Variants in ATP2C1 observed in about 807,000 individuals in gnomAD.
ATP2C1 encodes calcium-transporting ATPase type 2C member 1.
Under a neutral mutation model 120.5 loss-of-function variants are expected in ATP2C1, and 31 were observed. The ratio of observed to expected loss-of-function variants is 0.26; its 90% CI spans 0.19 to 0.35. The LOEUF is 0.35. ATP2C1 is among the 10% of genes least tolerant of loss of function. The pLI is 1.00. For synonymous variants in ATP2C1, 351 were observed against 358.7 expected (o/e 0.98, Z 0.24); for missense variants, 731 against 1,107.5 (o/e 0.66, Z 4.83).
intron 1 of ATP2C1, among the ~76,000 whole-genome samples, chr3:130,869,901 A>G (rs2068374925): frequency 6.6e-6 from 1 of 152,226 alleles, no homozygotes; most frequent in Non-Finnish European, 1.5e-5. Flanking sequence ...AGACCTAGCT[A>G]AGATCATTGA....
At chr3:130,975,176 A>C (rs2108741634) in intron 17 of ATP2C1, among the ~76,000 whole-genome samples, 156 bp from the exon 18 acceptor site, 1 of 152,240 alleles carries the variant, frequency 6.6e-6, no homozygotes, top group Middle Eastern at 3.4e-3. Context: ...CCCCTATAGG[A>C]ATATTTAATC....
intron 2 of ATP2C1, among the ~76,000 whole-genome samples, chr3:130,907,526 A>G (rs373004414): frequency 2.6e-5 from 4 of 152,062 alleles, no homozygotes; most frequent in South Asian, 2.1e-4. Flanking sequence ...TAAAAAGACT[A>G]TTCTTTTTCC....
chr3:130,882,393 G>T (rs1190914128), intron 1 of ATP2C1, among the ~76,000 whole-genome samples: 1 of 151,848 alleles, frequency 6.6e-6, no homozygotes, highest in Non-Finnish European at 1.5e-5. Flanking sequence ...TAGAGATGAG[G>T]TTTCACCATG....
At chr3:130,942,508 GCAGT>G (rs926858642) in intron 8 of ATP2C1, among the ~76,000 whole-genome samples, 1 of 152,174 alleles carries the variant, frequency 6.6e-6, no homozygotes, top group African/African-American at 2.4e-5. Context: ...CACCTGCAGA[GCAGT>G]CAGTCTTTAA....
At chr3:131,016,525 T>A in exon 27 of ATP2C1, 1 of 682,078 alleles carries the variant, frequency 1.5e-6, no homozygotes, top group African/African-American at 1.8e-5. Flanking sequence ...ACTGTCTTTT[T>A]AATGATGACC....
chr3:130,909,278 A>G (rs540412644), intron 2 of ATP2C1, among the ~76,000 whole-genome samples: 4 of 152,306 alleles, frequency 2.6e-5, no homozygotes, highest in Admixed American at 2.6e-4. Context: ...CACCCCATAT[A>G]GAAATGGCAC....
At chr3:130,893,308 T>G (rs1576608427), upstream of ATP2C1, among the ~76,000 whole-genome samples, 1 of 152,210 alleles carries the variant, frequency 6.6e-6, no homozygotes, top group Admixed American at 6.5e-5. Flanking sequence ...TAATTGCTGT[T>G]CCAGCCTCTC....
intron 2 of ATP2C1, among the ~76,000 whole-genome samples, chr3:130,921,387 G>A (rs545733223): frequency 1.4e-4 from 21 of 152,172 alleles, no homozygotes; most frequent in African/African-American, 4.6e-4. Flanking sequence ...TGGCCCAAAA[G>A]GGACAATTTT....
downstream of ATP2C1, chr3:131,003,244 C>T: frequency 1.3e-6 from 1 of 755,706 alleles, no homozygotes; most frequent in Non-Finnish European, 1.6e-6. Flanking sequence ...CTGGAGAATG[C>T]ATAGTACACA....
In ATP2C1 at chr3:130,869,957, G is replaced by C. The variant is rs72628522; in HGVS notation, c.108+19029G>C. Among the ~76,000 whole-genome samples the C allele has an allele frequency of 0.018, 2,759 of 152,302 alleles. 153 individuals are homozygous for C. The East Asian group carries it at 0.21, about 12-fold the overall frequency. On this transcript the variant is annotated intron_variant, in intron 1 of 26. Coordinates refer to the ATP2C1 transcript ENST00000504381. Reference sequence around the variant, plus strand: ...AATAGATTTTCAATGTGGATAAAAAGCCACAGGCTGACTTTCTTGTTTGGA... The same window carrying C: ...AATAGATTTTCAATGTGGATAAAAACCCACAGGCTGACTTTCTTGTTTGGA...
intron 2 of ATP2C1, among the ~76,000 whole-genome samples, chr3:130,904,877 T>C (rs905637153): frequency 1.3e-5 from 2 of 152,082 alleles, no homozygotes; most frequent in Admixed American, 1.3e-4. Context: ...AATTAATTTA[T>C]TTACATGGCT....
intron 1 of ATP2C1, among the ~76,000 whole-genome samples, chr3:130,870,257 G>C (rs1435529079): frequency 6.6e-6 from 1 of 152,182 alleles, no homozygotes; most frequent in Non-Finnish European, 1.5e-5. Context: ...GGTAAAAGGA[G>C]AATAATGTTT....
intron 8 of ATP2C1, among the ~76,000 whole-genome samples, 181 bp downstream of exon 8, chr3:130,941,880 T>A (rs768204006): frequency 1.3e-5 from 2 of 152,188 alleles, no homozygotes; most frequent in Non-Finnish European, 2.9e-5. Flanking sequence ...CTGTAACATC[T>A]TTTGAGGTGT....
intron 1 of ATP2C1, among the ~76,000 whole-genome samples, chr3:130,883,543 C>A (rs1300742969): frequency 6.6e-6 from 1 of 151,862 alleles, no homozygotes; most frequent in Non-Finnish European, 1.5e-5. Flanking sequence ...CATCTGCCTC[C>A]CAGGCTCATG....
intron 26 of ATP2C1, 40 bp from the exon 27 acceptor site, chr3:130,999,478 G>T: frequency 6.2e-7 from 1 of 1,609,638 alleles, no homozygotes; most frequent in Non-Finnish European, 8.5e-7. Flanking sequence ...TTATTTCTGT[G>T]ACCAAGGAGT....
upstream of ATP2C1, among the ~76,000 whole-genome samples, chr3:130,893,788 G>A (rs140008117): frequency 2.6e-5 from 4 of 152,290 alleles, no homozygotes; most frequent in African/African-American, 9.6e-5. Flanking sequence ...GCATATAAAC[G>A]GGCGGACACC....
At chr3:130,872,227 T>C (rs1421441815) in intron 1 of ATP2C1, among the ~76,000 whole-genome samples, 1 of 152,088 alleles carries the variant, frequency 6.6e-6, no homozygotes, top group African/African-American at 2.4e-5. Context: ...CATTATGAGG[T>C]CTTAATTAAA....
rs772990011 is a variant in ATP2C1, at chr3:130,993,995, C to T, written c.1954C>T (p.Leu652=). ...AGATGGAGTAAATGATGCAGTTGCT[C>T]TGAAGGCTGCAGACATTGGAGTTGC... The part of the protein sequence containing the change: ...TGDGVNDAVA[L]KAADIGVAMG... The change falls in exon 22 of 28, where the codon CTG becomes TTG. Residue 652 remains leucine (L), a synonymous_variant. Transcript: ENST00000510168. The T allele has an allele frequency of 6.2e-7, 1 of 1,614,118 alleles. No homozygotes were observed. Among genetic ancestry groups the T allele is most frequent in the South Asian group, 1.1e-5 (1 of 91,082 alleles).
chr3:130,980,756 A>G, intron 20 of ATP2C1, 77 bp downstream of exon 20: 1 of 1,103,572 alleles, frequency 9.1e-7, no homozygotes, highest in Non-Finnish European at 1.4e-6. Flanking sequence ...TCTTAATGAA[A>G]CTGTTTAATT....
Sources: gnomAD v4.1 joint callset for allele counts (sites outside exome capture counted in the v4.1 genomes callset) on GRCh38, gnomAD v4.1.1 for gene constraint, MANE v1.5 for transcripts, NCBI Gene and HGNC (gene_info 2026-07-23, HGNC 2026-07-21) for gene names.